The following FBXO4 variants were observed in gnomAD, a reference collection of about 807,000 sequenced individuals.
The protein encoded by FBXO4 is F-box protein 4.
In FBXO4, 36 loss-of-function variants were observed where a neutral mutation model predicts 43.7. The ratio of observed to expected loss-of-function variants is 0.82; its 90% CI spans 0.63 to 1.09. The LOEUF is 1.09. Among genes scored for constraint, FBXO4 ranks in the 50% least tolerant of loss-of-function variants. FBXO4 has a pLI of 0.00. For missense variants in FBXO4, 435 were observed against 474.1 expected (o/e 0.92, Z 0.77); for synonymous variants, 180 against 165.6 (o/e 1.09, Z -0.67).
the FBXO4 span, among the ~76,000 whole-genome samples, chr5:41,993,543 A>C: frequency 6.6e-6 from 1 of 151,532 alleles, no homozygotes; most frequent in Non-Finnish European, 1.5e-5. Flanking sequence ...TCAGATCTTC[A>C]GGACTATTCA....
At chr5:41,973,612 T>C in the FBXO4 span, among the ~76,000 whole-genome samples, 1 of 152,140 alleles carries the variant, frequency 6.6e-6, no homozygotes, top group Non-Finnish European at 1.5e-5. Context: ...ACCCATGAGG[T>C]TGAGGCTGCA....
downstream of FBXO4, among the ~76,000 whole-genome samples, chr5:41,943,046 TA>T (rs1364282018): frequency 6.6e-6 from 1 of 152,082 alleles, no homozygotes; most frequent in Non-Finnish European, 1.5e-5. Context: ...AAAAACCTTA[TA>T]AAGCCACTAG....
At chr5:41,971,766 GATTGATTAAAATAA>G in the FBXO4 span, among the ~76,000 whole-genome samples, 2 of 152,046 alleles carry the variant, frequency 1.3e-5, no homozygotes, top group Non-Finnish European at 2.9e-5. Flanking sequence ...GGAAGAAATA[GATTGATTAAAATAA>G]ATTACAAAGA....
the FBXO4 span, among the ~76,000 whole-genome samples, chr5:42,035,915 AC>A: frequency 6.6e-6 from 1 of 152,256 alleles, no homozygotes; most frequent in Non-Finnish European, 1.5e-5. Flanking sequence ...TTAAAAAAAT[AC>A]AAACTGAGTT....
At chr5:41,991,965 C>T in the FBXO4 span, among the ~76,000 whole-genome samples, 52 of 152,244 alleles carry the variant, frequency 3.4e-4, 1 homozygote, top group East Asian at 9.9e-3. Context: ...GTAATCCCAG[C>T]TACTCGGGAG....
intron 3 of FBXO4, among the ~76,000 whole-genome samples, chr5:41,932,483 G>A (rs908985989): frequency 6.6e-6 from 1 of 152,160 alleles, no homozygotes; most frequent in Non-Finnish European, 1.5e-5. Context: ...AGATGGTATG[G>A]CATAGCTTAT....
the FBXO4 span, among the ~76,000 whole-genome samples, chr5:41,965,370 C>T: frequency 3.9e-5 from 6 of 152,102 alleles, 1 homozygote; most frequent in African/African-American, 9.7e-5. Flanking sequence ...AATATGGGCT[C>T]TTTTTTGGTT....
chr5:42,017,725 G>C, the FBXO4 span, among the ~76,000 whole-genome samples: 4 of 151,800 alleles, frequency 2.6e-5, no homozygotes, highest in Non-Finnish European at 5.9e-5. Context: ...AATTCACTTA[G>C]GGTAATGGCC....
At chr5:42,002,202 T>C in the FBXO4 span, among the ~76,000 whole-genome samples, 2 of 152,150 alleles carry the variant, frequency 1.3e-5, no homozygotes, top group Admixed American at 1.3e-4. Flanking sequence ...AAGAATGCTA[T>C]GGAATGACGA....
chr5:42,031,713 A>T, the FBXO4 span, among the ~76,000 whole-genome samples: 1 of 152,056 alleles, frequency 6.6e-6, no homozygotes, highest in Non-Finnish European at 1.5e-5. Flanking sequence ...TGGTGAGGTC[A>T]TGTTTACCTG....
chr5:41,988,709 A>G, the FBXO4 span, among the ~76,000 whole-genome samples: 1 of 152,138 alleles, frequency 6.6e-6, no homozygotes, highest in Admixed American at 6.6e-5. Flanking sequence ...GGGGTGTAGC[A>G]GTTTGCTCTA....
the FBXO4 span, among the ~76,000 whole-genome samples, chr5:42,019,916 C>T: frequency 7.9e-5 from 12 of 152,012 alleles, no homozygotes; most frequent in East Asian, 3.9e-4. Flanking sequence ...TTTTGATTTA[C>T]GCAACTCTGT....
the FBXO4 span, among the ~76,000 whole-genome samples, chr5:41,970,380 C>T: frequency 6.6e-6 from 1 of 151,896 alleles, no homozygotes; most frequent in Admixed American, 6.6e-5. Context: ...ATATCTTCAC[C>T]TGTTAACCAA....
the FBXO4 span, among the ~76,000 whole-genome samples, chr5:41,988,449 G>A: frequency 6.6e-6 from 1 of 152,222 alleles, no homozygotes; most frequent in East Asian, 1.9e-4. Context: ...GTTTTTCTGT[G>A]ATATTCACTG....
At chr5:41,964,489 A>T in the FBXO4 span, among the ~76,000 whole-genome samples, 12,095 of 152,130 alleles carry the variant, frequency 0.08, 692 homozygotes, top group African/African-American at 0.16. Flanking sequence ...TTTGGAAAAG[A>T]CAACAGGATA....
At chr5:42,012,171 C>T in the FBXO4 span, among the ~76,000 whole-genome samples, 1 of 152,174 alleles carries the variant, frequency 6.6e-6, no homozygotes, top group Non-Finnish European at 1.5e-5. Context: ...AGTAATTAGA[C>T]ATGAGCGTCC....
chr5:41,981,439 TTATGGATTTTTTGGG>T, the FBXO4 span, among the ~76,000 whole-genome samples: 1 of 151,748 alleles, frequency 6.6e-6, no homozygotes, highest in Non-Finnish European at 1.5e-5. Context: ...AAATAGAAGA[TTATGGATTTTTTGGG>T]TTTGGATTTT....
intron 5 of FBXO4, among the ~76,000 whole-genome samples, chr5:41,937,581 T>A (rs1045040794): frequency 6.6e-6 from 1 of 152,218 alleles, no homozygotes; most frequent in Non-Finnish European, 1.5e-5. Context: ...TTTTTTTCCC[T>A]CTGGCTTCAC....
At chr5:41,960,730 G>A in the FBXO4 span, among the ~76,000 whole-genome samples, 13 of 152,012 alleles carry the variant, frequency 8.6e-5, no homozygotes, top group East Asian at 1.5e-3. Flanking sequence ...GTGATGTTCA[G>A]CTCCAGAATT....
Sources: allele counts gnomAD v4.1 joint callset (sites outside exome capture counted in the v4.1 genomes callset), GRCh38; gene constraint gnomAD v4.1.1; transcripts MANE v1.5; gene names NCBI Gene and HGNC (gene_info 2026-07-23, HGNC 2026-07-21).